CCDC33: variants seen among roughly 807,000 people sequenced by gnomAD.
CCDC33 encodes the protein coiled-coil domain-containing protein 33.
A neutral mutation model predicts 91.9 loss-of-function variants in CCDC33; 94 were observed. That is an observed-to-expected ratio of 1.02 (90% CI 0.87 to 1.21). The LOEUF (loss-of-function observed/expected upper bound fraction) is 1.21, where lower values mean the gene tolerates loss of function less well. CCDC33 is among the 50% of genes most tolerant of loss of function. The probability of loss-of-function intolerance (pLI) is 0.00; values close to 1 mark genes in which losing one functional copy is unlikely to be tolerated. For synonymous variants in CCDC33, 396 were observed against 374.5 expected (o/e 1.06, Z -0.66); for missense variants, 940 against 935.5 (o/e 1.00, Z -0.06).
At chr15:74,318,446 C>T (rs2060136961) in intron 11 of CCDC33, 1 of 542,862 alleles carries the variant, frequency 1.8e-6, no homozygotes, top group African/African-American at 2.0e-5. Flanking sequence ...CACCCAGACA[C>T]CCCCCACCCT....
chr15:74,304,635 C>G (rs925795968), intron 11 of CCDC33: 11 of 152,410 alleles, frequency 7.2e-5, no homozygotes, highest in African/African-American at 2.7e-4. Flanking sequence ...AGTCCCCTCC[C>G]CCACTCCACA....
At chr15:74,296,947 G>A (rs145335711) in intron 11 of CCDC33, among the ~76,000 whole-genome samples, 2 of 152,306 alleles carry the variant, frequency 1.3e-5, no homozygotes, top group African/African-American at 2.4e-5. Flanking sequence ...GGAAGATCTT[G>A]AGAAAAGGCC....
chr15:74,209,276 T>C, intron 1 of CCDC33: 1 of 1,290,684 alleles, frequency 7.7e-7, no homozygotes, highest in Non-Finnish European at 1.1e-6. Context: ...CAGAGTCACC[T>C]CAGTGGAGAA....
Position 74,266,684 on chromosome 15 carries a change from T to C in CCDC33, c.326T>C (p.Ile109Thr), listed in dbSNP as rs1291867180. Reference sequence around the variant, plus strand: ...TCATTTTTTCTCTTTCCAGATGTGATCCTCAAGGTGGTGGACAACAGAAAG... The same window carrying C: ...TCATTTTTTCTCTTTCCAGATGTGACCCTCAAGGTGGTGGACAACAGAAAG... ...QAEDAGQEDVILKVVDNRKKQ... is the reference protein window; with the variant it reads ...QAEDAGQEDVTLKVVDNRKKQ... Residue 109 changes from isoleucine to threonine, a missense_variant, in exon 4 of 19, where the codon ATC becomes ACC. By Grantham distance (89) the Ile-to-Thr change is moderately conservative (BLOSUM62 -1). Coordinates refer to ENST00000398814, the MANE Select transcript of CCDC33 (RefSeq NM_025055.5). 6.2e-7 allele frequency: 1 copy of C among 1,612,842 alleles called. No individual in the cohort carries two copies. Among genetic ancestry groups the C allele is most frequent in the Non-Finnish European group, 8.5e-7 (1 of 1,178,820 alleles).
At chr15:74,245,887 C>G (rs1327680743) in intron 2 of CCDC33, among the ~76,000 whole-genome samples, 2 of 152,164 alleles carry the variant, frequency 1.3e-5, no homozygotes, top group African/African-American at 4.8e-5. Flanking sequence ...GCCACCAGCT[C>G]GAGGTGGTGC....
At chr15:74,268,279 G>C in intron 4 of CCDC33, 63 bp from the exon 5 acceptor site, 1 of 1,181,434 alleles carries the variant, frequency 8.5e-7, no homozygotes. Context: ...TGGATTTATG[G>C]CCAGGATCTG....
rs2060532245 is a variant in CCDC33, at chr15:74,334,959, C to T, written c.2026-16C>T. 1 of 1,597,282 alleles carries T rather than the reference C, an allele frequency of 6.3e-7. No individual in the cohort carries two copies. On this transcript the variant is annotated splice_polypyrimidine_tract_variant and intron_variant, in intron 17 of 18. Transcript: ENST00000398814. Reference sequence around the variant, plus strand: ...GCTGCCCATGGTCCTCCAATTGTCCCTCTCTGTGTCTGCAGTTAGAGGACT... The same window carrying T: ...GCTGCCCATGGTCCTCCAATTGTCCTTCTCTGTGTCTGCAGTTAGAGGACT...
intron 11 of CCDC33, among the ~76,000 whole-genome samples, chr15:74,310,535 CAAAAAAAA>C (rs75401537): frequency 0.043 from 2,719 of 63,554 alleles, 81 homozygotes; most frequent in African/African-American, 0.13. Flanking sequence ...GACTCCATCT[CAAAAAAAA>C]AAAAAAAAAA....
At chr15:74,272,168 C>T (rs1256461814) in intron 6 of CCDC33, among the ~76,000 whole-genome samples, 4 of 152,176 alleles carry the variant, frequency 2.6e-5, no homozygotes, top group Admixed American at 6.5e-5. Context: ...TGCCTCCCTG[C>T]CTCACACCCA....
intron 16 of CCDC33, 139 bp downstream of exon 16, chr15:74,332,984 C>T: frequency 9.9e-7 from 1 of 1,009,102 alleles, no homozygotes; most frequent in Non-Finnish European, 1.4e-6. Context: ...CTCCTGGAAT[C>T]AGCTCTCAGG....
At chr15:74,336,240 A>C, downstream of CCDC33, 1 of 1,419,116 alleles carries the variant, frequency 7.0e-7, no homozygotes, top group South Asian at 1.4e-5. Context: ...CTGCAGCCTT[A>C]CAGCCTCCCG....
chr15:74,316,530 T>C lies in CCDC33; in HGVS notation c.1291-13659T>C, dbSNP rs1423703578. 1.3e-5 allele frequency among the ~76,000 whole-genome samples: 2 copies of C among 152,156 alleles called. No homozygotes were observed. ...TGCAGGGAGGGGTGGTGAAGCCTGG[T>C]CTGGGAGGCTTCTTGCCCCAGGATC... On this transcript the variant is annotated intron_variant, in intron 11 of 18. Coordinates refer to ENST00000398814, the MANE Select transcript of CCDC33 (RefSeq NM_025055.5). The surrounding 1 kb of genome is among the most constrained non-coding windows in gnomAD (Gnocchi z 4.7).
chr15:74,320,474 G>A (rs1041388269), intron 11 of CCDC33, among the ~76,000 whole-genome samples: 9 of 151,764 alleles, frequency 5.9e-5, no homozygotes, highest in Non-Finnish European at 1.3e-4. Flanking sequence ...GCCTCCCACC[G>A]GGAACTCTCT....
At position 74,255,654 on chromosome 15, in the gene CCDC33, C is replaced by G. The variant is rs554387131; in HGVS notation, c.186-6786C>G. Among the ~76,000 whole-genome samples, 6 of 152,364 alleles carry G rather than the reference C, an allele frequency of 3.9e-5. No homozygotes were observed. The South Asian group carries it at 8.3e-4, about 21-fold the overall frequency. ...CTCTCAGGATGGTCAGTGTGGCTAA[C>G]AAAACCAGACCTCGATCCCTCCACA... On this transcript the variant is annotated intron_variant, in intron 2 of 18. Coordinates refer to ENST00000398814, the MANE Select transcript of CCDC33 (RefSeq NM_025055.5).
chr15:74,218,902 C>T lies in CCDC33; in HGVS notation c.675+41C>T, dbSNP rs1008768558. The stretch of plus-strand genomic sequence containing the variant: ...GTCCCAGTTCAGGTTCTGGGCTCAC[C>T]GGGTACAAGACCCAGCCTCCGTGAT... On this transcript the variant is annotated intron_variant, in intron 2 of 2. Coordinates refer to the CCDC33 transcript ENST00000635913. The surrounding 1 kb of genome is among the most constrained non-coding windows in gnomAD (Gnocchi z 4.8). The T allele has an allele frequency of 1.1e-5, 13 of 1,201,602 alleles. No individual in the cohort carries two copies. The African/African-American group carries it at 1.6e-4, about 15-fold the overall frequency. 74.4% of individuals were successfully genotyped at this position (1,201,602 alleles called of 1,614,324 possible).
chr15:74,228,026 G>C (rs902820727), intron 2 of CCDC33, among the ~76,000 whole-genome samples: 3 of 152,168 alleles, frequency 2.0e-5, no homozygotes, highest in Non-Finnish European at 4.4e-5. Context: ...CATTACCTCT[G>C]CAGAGAGGTG....
At chr15:74,250,149 T>C (rs2075660119) in intron 2 of CCDC33, among the ~76,000 whole-genome samples, 1 of 152,120 alleles carries the variant, frequency 6.6e-6, no homozygotes, top group South Asian at 2.1e-4. Context: ...CTCCACCAGC[T>C]CCACCACCGA....
chr15:74,266,661 AT>A lies in CCDC33; in HGVS notation c.320-11del. On this transcript the variant is annotated splice_polypyrimidine_tract_variant and intron_variant, in intron 3 of 18. Transcript: ENST00000398814. ...TCCATTTAAAAATAAACCTGGGCTCATTTTTTCTCTTTCCAGATGTGATCCT... is the reference window on the plus strand; with the variant it reads ...TCCATTTAAAAATAAACCTGGGCTCATTTTTCTCTTTCCAGATGTGATCCT... 1 of 1,582,322 alleles carries A rather than the reference AT, an allele frequency of 6.3e-7. No homozygotes were observed. Among genetic ancestry groups the A allele is most frequent in the Non-Finnish European group, 8.7e-7 (1 of 1,151,350 alleles).
intron 10 of CCDC33, among the ~76,000 whole-genome samples, chr15:74,289,451 T>G (rs569293304): frequency 6.6e-6 from 1 of 152,316 alleles, no homozygotes; most frequent in African/African-American, 2.4e-5. Flanking sequence ...TAGTGGCTCA[T>G]GCCCATAATC....
Sources: allele counts gnomAD v4.1 joint callset (sites outside exome capture counted in the v4.1 genomes callset), GRCh38; gene constraint gnomAD v4.1.1; non-coding constraint Gnocchi (gnomAD v3.1); transcripts MANE v1.5; gene names NCBI Gene and HGNC (gene_info 2026-07-23, HGNC 2026-07-21).